The following FBXO25 variants were observed in gnomAD, a reference collection of about 807,000 sequenced individuals.
The protein encoded by FBXO25 is F-box only protein 25.
In FBXO25, 45 loss-of-function variants were observed where a neutral mutation model predicts 51.9. That is an observed-to-expected ratio of 0.87 (90% CI 0.68 to 1.11). The LOEUF (loss-of-function observed/expected upper bound fraction) is 1.11. FBXO25 is among the 50% of genes most tolerant of loss of function. The probability of loss-of-function intolerance (pLI) is 0.00; values close to 1 mark genes in which losing one functional copy is unlikely to be tolerated. For synonymous variants in FBXO25, 199 were observed against 151.0 expected, an observed-to-expected ratio of 1.32 and a Z score of -2.33; for missense variants, 507 against 428.5, an observed-to-expected ratio of 1.18 and a Z score of -1.62.
chr8:411,536 T>A (rs1246476883), intron 1 of FBXO25, among the ~76,000 whole-genome samples: 1 of 152,188 alleles, frequency 6.6e-6, no homozygotes, highest in Non-Finnish European at 1.5e-5. Context: ...CTAGTCTAAC[T>A]CTCTTCTGAA....
In FBXO25 at chr8:474,696, T is replaced by C. The variant is rs985242095; in HGVS notation, c.*5892T>C. 2.2e-6 allele frequency: 1 copy of C among 453,978 alleles called. No individual in the cohort carries two copies. Among genetic ancestry groups the C allele is most frequent in the Admixed American group, 2.4e-5 (1 of 41,958 alleles). 28.1% of individuals were successfully genotyped at this position (453,978 alleles called of 1,614,324 possible). On this transcript the variant is annotated 3_prime_UTR_variant, in exon 10 of 10. Coordinates refer to ENST00000350302, the MANE Select transcript of FBXO25 (RefSeq NM_183420.2). ...TTGGAGAAATGTCTATTTGGGCTCTTTGTCCATTTTTCAATCAGGTGTGTG... is the reference window on the plus strand; with the variant it reads ...TTGGAGAAATGTCTATTTGGGCTCTCTGTCCATTTTTCAATCAGGTGTGTG...
intron 2 of FBXO25, among the ~76,000 whole-genome samples, chr8:415,495 G>A (rs543457934): frequency 6.6e-6 from 1 of 152,316 alleles, no homozygotes; most frequent in East Asian, 1.9e-4. Context: ...TTATTAGGCT[G>A]TTGATTCAGA....
intron 7 of FBXO25, 71 bp from the exon 8 acceptor site, chr8:458,298 G>C (rs375392163): frequency 7.3e-6 from 11 of 1,512,628 alleles, no homozygotes; most frequent in South Asian, 3.7e-5. Context: ...ATTCCAGCTT[G>C]ACTCTTCAGT....
Position 413,021 on chromosome 8 carries a change from G to T in FBXO25, c.-7-52G>T, listed in dbSNP as rs183716836. 1.6e-3 allele frequency: 2,036 copies of T among 1,279,442 alleles called. 7 individuals carry two copies. The highest frequency in any genetic ancestry group is 1.8e-3 in the Non-Finnish European group (1,783 of 969,286). 79.3% of individuals were successfully genotyped at this position (1,279,442 alleles called of 1,614,324 possible). A position where few individuals can be genotyped will look rare whatever the true frequency, so the allele number is the denominator to read the frequency against. ...AATTAATAAATGTTCTAAGTGAAAA[G>T]AAACTTTTATGAATTATATATACTT... On this transcript the variant is annotated intron_variant, in intron 1 of 9. Transcript: ENST00000350302.
intron 5 of FBXO25, among the ~76,000 whole-genome samples, chr8:440,425 G>C (rs2116644927): frequency 6.6e-6 from 1 of 152,284 alleles, no homozygotes; most frequent in East Asian, 1.9e-4. Context: ...CAGAGAGATG[G>C]GCTGAAGGTC....
intron 7 of FBXO25, among the ~76,000 whole-genome samples, chr8:454,323 C>G (rs544608002): frequency 5.3e-5 from 8 of 152,184 alleles, no homozygotes; most frequent in African/African-American, 1.9e-4. Context: ...TTCATGTGCA[C>G]ATCTCTGTGA....
chr8:408,245 G>C lies in FBXO25; in HGVS notation c.-8+1179G>C, dbSNP rs539679586. Among the ~76,000 whole-genome samples, 10 of 151,724 alleles carry C rather than the reference G, an allele frequency of 6.6e-5. No homozygotes were observed. The South Asian group carries it at 2.1e-3, about 31-fold the overall frequency. ...AAGATGGATTGGAGTTTTCTTTCCT[G>C]TGTTGTATTCCTTGTTTTAGTGCCT... is the stretch of plus-strand genomic sequence containing the variant. On this transcript the variant is annotated intron_variant, in intron 1 of 9. Coordinates refer to ENST00000350302, the MANE Select transcript of FBXO25 (RefSeq NM_183420.2).
chr8:453,044 C>T (rs746647645), intron 7 of FBXO25, among the ~76,000 whole-genome samples: 2 of 152,162 alleles, frequency 1.3e-5, no homozygotes, highest in Admixed American at 1.3e-4. Context: ...GCTTTTGGCC[C>T]GGGATGGTTC....
chr8:468,389 T>G (rs1800329211), intron 9 of FBXO25: 1 of 571,744 alleles, frequency 1.7e-6, no homozygotes, highest in African/African-American at 2.0e-5. Context: ...CCCAGTGGTT[T>G]CTTCTGTGGC....
At chr8:418,177 C>T (rs1178417287) in intron 2 of FBXO25, among the ~76,000 whole-genome samples, 2 of 152,140 alleles carry the variant, frequency 1.3e-5, no homozygotes, top group Non-Finnish European at 2.9e-5. Flanking sequence ...GTGCTGTCTG[C>T]TCCCATGCCA....
At chr8:430,465 A>G (rs1469106769) in intron 2 of FBXO25, among the ~76,000 whole-genome samples, 2 of 152,098 alleles carry the variant, frequency 1.3e-5, no homozygotes, top group Non-Finnish European at 2.9e-5. Context: ...AATAAAAGTG[A>G]ATACTGGTGA....
chr8:445,417 C>T (rs1330670421), intron 5 of FBXO25, among the ~76,000 whole-genome samples: 1 of 152,172 alleles, frequency 6.6e-6, no homozygotes, highest in Non-Finnish European at 1.5e-5. Context: ...AGTTCCAAAC[C>T]CAAATGTTGT....
Position 451,374 on chromosome 8 carries a change from G to A in FBXO25, c.581G>A (p.Gly194Glu), listed in dbSNP as rs1382071380. ...IRGVGKSVLVGNINIWICRLE... is the reference protein window; with the variant it reads ...IRGVGKSVLVENINIWICRLE... The stretch of plus-strand genomic sequence containing the variant: ...GGAGTAGGGAAGTCTGTATTAGTGG[G>A]AAACATCAATATTTGGATTTGCCGA... Residue 194 changes from glycine to glutamate, a missense_variant, in exon 7 of 10, where the codon GGA (glycine) becomes GAA (glutamate). Gly to Glu is a moderately conservative substitution (Grantham distance 98). Coordinates refer to ENST00000350302, the MANE Select transcript of FBXO25 (RefSeq NM_183420.2). 1 of 1,613,868 alleles carries A rather than the reference G, an allele frequency of 6.2e-7. No individual in the cohort carries two copies. The highest frequency in any genetic ancestry group is 2.2e-5 in the East Asian group (1 of 44,864).
At chr8:426,031 C>G (rs1293580650) in intron 2 of FBXO25, among the ~76,000 whole-genome samples, 1 of 152,114 alleles carries the variant, frequency 6.6e-6, no homozygotes, top group Non-Finnish European at 1.5e-5. Flanking sequence ...ACATCTTCTG[C>G]CCGCCTCTAC....
At chr8:458,224 C>T (rs1241535462) in intron 7 of FBXO25, 145 bp from the exon 8 acceptor site, 5 of 864,224 alleles carry the variant, frequency 5.8e-6, no homozygotes, top group Non-Finnish European at 7.2e-6. Context: ...GATGCAGGCC[C>T]CTTGACACCT....
chr8:472,635 CTTCT>C lies in FBXO25; in HGVS notation c.*3834_*3837del, dbSNP rs930051100. 2.6e-5 allele frequency: 4 copies of C among 151,870 alleles called. No homozygotes were observed. Among genetic ancestry groups the C allele is most frequent in the Admixed American group, 1.3e-4 (2 of 15,196 alleles). 9.4% of individuals were successfully genotyped at this position (151,870 alleles called of 1,614,324 possible). ...TGTTTGTGGTGGTTTCTTGTTAATTCTTCTTTAAATGTTTGAGAGAACTCCATAT... is the reference window on the plus strand; with the variant it reads ...TGTTTGTGGTGGTTTCTTGTTAATTCTTAAATGTTTGAGAGAACTCCATAT... On this transcript the variant is annotated 3_prime_UTR_variant, in exon 10 of 10. Coordinates refer to ENST00000350302, the MANE Select transcript of FBXO25 (RefSeq NM_183420.2).
chr8:433,938 A>G (rs2117638631), intron 4 of FBXO25, among the ~76,000 whole-genome samples: 1 of 152,348 alleles, frequency 6.6e-6, no homozygotes, highest in Non-Finnish European at 1.5e-5. Context: ...AATCTAACCT[A>G]GTTTGTGAAA....
intron 7 of FBXO25, among the ~76,000 whole-genome samples, chr8:451,891 C>T (rs1467826338): frequency 6.6e-6 from 1 of 152,060 alleles, no homozygotes; most frequent in East Asian, 1.9e-4. Context: ...GTGAACAAGG[C>T]CAAAAGAAGG....
In FBXO25 at chr8:423,768, C is replaced by G. The variant is rs1255499773; in HGVS notation, c.135-7573C>G. Among the ~76,000 whole-genome samples, 3 of 152,116 alleles carry G rather than the reference C, an allele frequency of 2.0e-5. No individual in the cohort carries two copies. In the East Asian group the frequency reaches 5.8e-4, roughly 29 times the overall value. ...GCGATGAACATAGGAGTGCCTGTGT[C>G]TTTTTGGTAGAATGATTTATTTTCT... On this transcript the variant is annotated intron_variant, in intron 2 of 9. Coordinates refer to ENST00000350302, the MANE Select transcript of FBXO25 (RefSeq NM_183420.2).
Sources: gnomAD v4.1 joint callset for allele counts (sites outside exome capture counted in the v4.1 genomes callset) on GRCh38, gnomAD v4.1.1 for gene constraint, MANE v1.5 for transcripts, NCBI Gene and HGNC (gene_info 2026-07-23, HGNC 2026-07-21) for gene names.